GRIA4: variants seen among roughly 807,000 people sequenced by gnomAD.
GRIA4 encodes the protein glutamate ionotropic receptor AMPA type subunit 4.
In GRIA4, 34 loss-of-function variants were observed where a neutral mutation model predicts 104.0. The ratio of observed to expected loss-of-function variants is 0.33; its 90% confidence interval spans 0.25 to 0.44. The LOEUF (loss-of-function observed/expected upper bound fraction) is 0.44, where lower values mean the gene tolerates loss of function less well. GRIA4 is among the 20% of genes least tolerant of loss of function. The probability of loss-of-function intolerance (pLI) is 1.00; values close to 1 mark genes in which losing one functional copy is unlikely to be tolerated. For missense variants in GRIA4, 750 were observed against 1,096.5 expected, an observed-to-expected ratio of 0.68 and a Z score of 4.46; for synonymous variants, 386 against 381.9, an observed-to-expected ratio of 1.01 and a Z score of -0.13.
At chr11:105,708,250 C>T (rs1953778494) in intron 3 of GRIA4, among the ~76,000 whole-genome samples, 1 of 152,088 alleles carries the variant, frequency 6.6e-6, no homozygotes, top group African/African-American at 2.4e-5. Flanking sequence ...AGAAAGTATA[C>T]ATTCATCCAC....
At chr11:105,808,012 A>G (rs1044738391) in intron 4 of GRIA4, among the ~76,000 whole-genome samples, 69 of 151,986 alleles carry the variant, frequency 4.5e-4, no homozygotes, top group African/African-American at 1.5e-3. Context: ...CTCTTATTCT[A>G]TTTAATAGAA....
chr11:105,831,598 C>G (rs1290747495), intron 4 of GRIA4, among the ~76,000 whole-genome samples: 2 of 152,008 alleles, frequency 1.3e-5, no homozygotes, highest in African/African-American at 4.8e-5. Flanking sequence ...AATTCATGCT[C>G]AGAATATTGT....
chr11:105,955,427 T>C (rs1295197697), intron 14 of GRIA4, among the ~76,000 whole-genome samples: 6 of 152,226 alleles, frequency 3.9e-5, no homozygotes, highest in African/African-American at 1.4e-4. Flanking sequence ...TCCAGCTTCA[T>C]CCATGTCCCT....
At chr11:105,813,890 A>G (rs1943274056) in intron 4 of GRIA4, among the ~76,000 whole-genome samples, 1 of 152,054 alleles carries the variant, frequency 6.6e-6, no homozygotes, top group South Asian at 2.1e-4. Context: ...CTGTCTCATG[A>G]GAGAGAGAGT....
intron 14 of GRIA4, among the ~76,000 whole-genome samples, chr11:105,969,843 A>G (rs17104830): frequency 0.065 from 9,938 of 152,230 alleles, 448 homozygotes; most frequent in East Asian, 0.15. Flanking sequence ...GCTACTTTAT[A>G]GAGCACCTAC....
At chr11:105,822,208 A>C (rs998131696) in intron 4 of GRIA4, among the ~76,000 whole-genome samples, 2 of 152,138 alleles carry the variant, frequency 1.3e-5, no homozygotes, top group East Asian at 3.9e-4. Flanking sequence ...AATAATCAAG[A>C]TAAAGTTTAA....
At chr11:105,643,698 A>T (rs1425190074) in intron 3 of GRIA4, among the ~76,000 whole-genome samples, 4 of 151,650 alleles carry the variant, frequency 2.6e-5, no homozygotes, top group African/African-American at 7.3e-5. Context: ...AGGTTTTTAA[A>T]TTTTTTTTGG....
At chr11:105,864,425 AAACC>A (rs1372350442) in intron 5 of GRIA4, among the ~76,000 whole-genome samples, 2 of 152,240 alleles carry the variant, frequency 1.3e-5, no homozygotes, top group African/African-American at 4.8e-5. Context: ...CAATTTCAAA[AAACC>A]AACCAAAGCA....
At chr11:105,662,064 A>C (rs2135413635) in intron 3 of GRIA4, among the ~76,000 whole-genome samples, 2 of 151,622 alleles carry the variant, frequency 1.3e-5, no homozygotes, top group Admixed American at 1.3e-4. Context: ...ACTCAACAGA[A>C]GTTGGCACAG....
chr11:105,840,884 C>A (rs1170425583), intron 4 of GRIA4, among the ~76,000 whole-genome samples: 1 of 152,090 alleles, frequency 6.6e-6, no homozygotes, highest in Non-Finnish European at 1.5e-5. Context: ...AAGGTTTTGA[C>A]CTTTCTTTAC....
chr11:105,849,482 G>T (rs1017892563), intron 4 of GRIA4, among the ~76,000 whole-genome samples: 8 of 152,140 alleles, frequency 5.3e-5, no homozygotes, highest in Non-Finnish European at 1.0e-4. Flanking sequence ...ATACAAGTTT[G>T]CCTTTTGTAA....
intron 3 of GRIA4, among the ~76,000 whole-genome samples, chr11:105,666,373 G>GAATACTTGTCTTTTCCT (rs1412386644): frequency 2.0e-5 from 3 of 151,798 alleles, no homozygotes; most frequent in Admixed American, 6.6e-5. Context: ...CCATGGAGAG[G>GAATACTTGTCTTTTCCT]TAAGGAAAAG....
At chr11:105,919,559 G>A (rs1947503086) in intron 11 of GRIA4, among the ~76,000 whole-genome samples, 1 of 152,066 alleles carries the variant, frequency 6.6e-6, no homozygotes, top group East Asian at 1.9e-4. Flanking sequence ...AGCATGTTAT[G>A]CGCCTCCCTT....
At chr11:105,901,033 T>A (rs571805353) in intron 7 of GRIA4, among the ~76,000 whole-genome samples, 25 of 152,254 alleles carry the variant, frequency 1.6e-4, no homozygotes, top group Non-Finnish European at 2.9e-4. Context: ...GCAATTCTCA[T>A]CAGGGATTTC....
chr11:105,923,329 C>T lies in GRIA4; in HGVS notation c.1477-1070C>T, dbSNP rs545628216. 4.6e-5 allele frequency among the ~76,000 whole-genome samples: 7 copies of T among 152,238 alleles called. No homozygotes were observed. The East Asian group carries it at 7.7e-4, about 17-fold the overall frequency. On this transcript the variant is annotated intron_variant, in intron 11 of 16. Transcript: ENST00000282499. ...GAGGTGGGGTGATTGACACTCTACACCTTATTTCACTTGATTTTAGAGGTG... is the reference window on the plus strand; with the variant it reads ...GAGGTGGGGTGATTGACACTCTACATCTTATTTCACTTGATTTTAGAGGTG...
intron 5 of GRIA4, among the ~76,000 whole-genome samples, chr11:105,883,443 C>T (rs143218144): frequency 7.1e-6 from 1 of 140,644 alleles, no homozygotes; most frequent in South Asian, 2.6e-4. Flanking sequence ...CACCCCACGG[C>T]AGGCCCAGGT....
chr11:105,953,094 G>T (rs1948495324), intron 14 of GRIA4, among the ~76,000 whole-genome samples: 1 of 152,200 alleles, frequency 6.6e-6, no homozygotes, highest in African/African-American at 2.4e-5. Flanking sequence ...ACAGCTACAA[G>T]TTAAATTGAA....
chr11:105,717,665 A>G (rs931877752), intron 3 of GRIA4, among the ~76,000 whole-genome samples: 1 of 152,050 alleles, frequency 6.6e-6, no homozygotes, highest in African/African-American at 2.4e-5. Context: ...CATAGAGTTA[A>G]ACGAAGATTT....
chr11:105,930,856 C>T (rs746519378), intron 13 of GRIA4, among the ~76,000 whole-genome samples: 1 of 151,992 alleles, frequency 6.6e-6, no homozygotes, highest in Non-Finnish European at 1.5e-5. Context: ...TTTTCTATGT[C>T]GTGTACATAG....
Sources: gnomAD v4.1 joint callset for allele counts (sites outside exome capture counted in the v4.1 genomes callset) on GRCh38, gnomAD v4.1.1 for gene constraint, MANE v1.5 for transcripts, NCBI Gene and HGNC (gene_info 2026-07-23, HGNC 2026-07-21) for gene names.